IQCM: variants seen among roughly 807,000 people sequenced by gnomAD.
IQCM encodes IQ domain-containing protein M.
Under a neutral mutation model 57.6 loss-of-function variants are expected in IQCM, and 45 were observed. The ratio of observed to expected loss-of-function variants is 0.78; its 90% CI spans 0.62 to 1.00. The LOEUF is 1.00. Among genes scored for constraint, IQCM ranks in the 50% least tolerant of loss-of-function variants. IQCM has a pLI of 0.00. For synonymous variants in IQCM, 148 were observed against 158.9 expected (o/e 0.93, Z 0.51); for missense variants, 468 against 511.6 (o/e 0.91, Z 0.82).
intron 7 of IQCM, among the ~76,000 whole-genome samples, chr4:149,636,465 G>C (rs1757723670): frequency 6.6e-6 from 1 of 152,120 alleles, no homozygotes; most frequent in Non-Finnish European, 1.5e-5. Flanking sequence ...CTCCATGATA[G>C]ACGTGTGTGG....
At chr4:149,502,621 C>A (rs1002145003) in intron 12 of IQCM, among the ~76,000 whole-genome samples, 4 of 152,112 alleles carry the variant, frequency 2.6e-5, no homozygotes, top group African/African-American at 9.7e-5. Context: ...CTGCAGTGAG[C>A]CATGCTCACG....
At chr4:149,602,337 C>T (rs1305948196) in intron 8 of IQCM, among the ~76,000 whole-genome samples, 3 of 152,140 alleles carry the variant, frequency 2.0e-5, no homozygotes, top group Non-Finnish European at 4.4e-5. Context: ...GGAACCAATC[C>T]CCTATGCATA....
At chr4:149,664,398 G>A (rs1430317830) in intron 7 of IQCM, among the ~76,000 whole-genome samples, 9 of 152,026 alleles carry the variant, frequency 5.9e-5, no homozygotes, top group Non-Finnish European at 7.4e-5. Context: ...ATTGATATCT[G>A]TGCATCCAAT....
chr4:149,549,648 T>G (rs993905857), intron 11 of IQCM, among the ~76,000 whole-genome samples: 1 of 152,356 alleles, frequency 6.6e-6, no homozygotes, highest in South Asian at 2.1e-4. Context: ...CCATGAATTG[T>G]ATAATTGTAT....
intron 10 of IQCM, among the ~76,000 whole-genome samples, chr4:149,553,517 G>T (rs1158984109): frequency 6.6e-6 from 1 of 152,124 alleles, no homozygotes; most frequent in Non-Finnish European, 1.5e-5. Context: ...CCATAGAATA[G>T]AGCTTCCAAT....
chr4:149,779,865 T>A (rs1771442321), intron 2 of IQCM, among the ~76,000 whole-genome samples: 1 of 152,172 alleles, frequency 6.6e-6, no homozygotes. Context: ...GTCACTATCC[T>A]TATACTACGC....
chr4:149,408,111 T>C (rs1733112157), intron 13 of IQCM, among the ~76,000 whole-genome samples: 1 of 152,176 alleles, frequency 6.6e-6, no homozygotes, highest in Non-Finnish European at 1.5e-5. Flanking sequence ...TATATGTTTC[T>C]TGGTCATTTG....
At chr4:149,511,051 C>T (rs1744356421) in intron 12 of IQCM, among the ~76,000 whole-genome samples, 1 of 152,102 alleles carries the variant, frequency 6.6e-6, no homozygotes, top group Non-Finnish European at 1.5e-5. Flanking sequence ...GAATAAAGGC[C>T]AGCCTCCTTA....
chr4:149,553,191 G>T lies in IQCM; in HGVS notation c.1045C>A (p.Gln349Lys), dbSNP rs1297890762. 7 of 1,231,802 alleles carry T rather than the reference G, an allele frequency of 5.7e-6. No homozygotes were observed. Among genetic ancestry groups the T allele is most frequent in the Non-Finnish European group, 6.1e-6 (6 of 987,856 alleles). The allele number at this position is 1,231,802 out of a possible 1,614,324, so 76.3% of individuals were successfully genotyped here. A position where few individuals can be genotyped will look rare whatever the true frequency, so the allele number is the denominator to read the frequency against. The change falls in exon 11 of 14, where the codon CAA becomes AAA. Residue 349 changes from glutamine (Q) to lysine (K), a missense_variant. Transcript: ENST00000636793. ...TCTAGCTCTGCTAAGTTGAGAATTT[G>T]TCTTGTCCTCCAAAGACCACGTCGA... ...RYRRGLWRTR[Q>K]ILNLAELEEW...
intron 13 of IQCM, among the ~76,000 whole-genome samples, chr4:149,358,722 A>T (rs1729193334): frequency 6.6e-6 from 1 of 152,086 alleles, no homozygotes; most frequent in Non-Finnish European, 1.5e-5. Flanking sequence ...AAAACAAGTG[A>T]AATCAGTAAG....
chr4:149,622,365 C>T (rs1367827871), intron 7 of IQCM, among the ~76,000 whole-genome samples: 3 of 136,688 alleles, frequency 2.2e-5, no homozygotes, highest in Admixed American at 7.9e-5. Flanking sequence ...TTTTTGGAGA[C>T]GTAGTCTCAC....
chr4:149,757,123 T>C (rs1297697508), intron 2 of IQCM, among the ~76,000 whole-genome samples: 1 of 151,986 alleles, frequency 6.6e-6, no homozygotes, highest in African/African-American at 2.4e-5. Flanking sequence ...CCGGGCATGG[T>C]GGCAGGCGCC....
At chr4:149,411,096 T>A (rs1733353892) in intron 13 of IQCM, among the ~76,000 whole-genome samples, 1 of 152,072 alleles carries the variant, frequency 6.6e-6, no homozygotes, top group South Asian at 2.1e-4. Context: ...AAACTGAAGT[T>A]CATCAAAATC....
intron 7 of IQCM, among the ~76,000 whole-genome samples, chr4:149,645,821 C>G (rs7655958): frequency 0.21 from 32,258 of 151,942 alleles, 4,261 homozygotes; most frequent in Non-Finnish European, 0.28. Flanking sequence ...AACTCCCTCT[C>G]CTCACCTATC....
At chr4:149,405,776 T>G (rs1732928395) in intron 13 of IQCM, among the ~76,000 whole-genome samples, 1 of 149,316 alleles carries the variant, frequency 6.7e-6, no homozygotes, top group African/African-American at 2.5e-5. Context: ...TATTTATTGA[T>G]CATCCATGTC....
intron 7 of IQCM, among the ~76,000 whole-genome samples, chr4:149,642,686 G>A (rs910708924): frequency 1.3e-5 from 2 of 152,112 alleles, no homozygotes; most frequent in Non-Finnish European, 2.9e-5. Flanking sequence ...CTAGAATACT[G>A]TTCCAGTACA....
chr4:149,496,174 T>A (rs542819341), intron 12 of IQCM, among the ~76,000 whole-genome samples: 90 of 152,002 alleles, frequency 5.9e-4, no homozygotes, highest in Non-Finnish European at 1.1e-3. Flanking sequence ...AATGGGAATA[T>A]TTGCAAATTC....
intron 12 of IQCM, among the ~76,000 whole-genome samples, chr4:149,495,893 T>C (rs949143983): frequency 6.6e-6 from 1 of 152,180 alleles, no homozygotes; most frequent in African/African-American, 2.4e-5. Context: ...TAGAGTGTTT[T>C]GCCTAATTTA....
At chr4:149,358,844 C>CCGTATATCATGATATACTCTCATG in intron 13 of IQCM, among the ~76,000 whole-genome samples, 1 of 108,116 alleles carries the variant, frequency 9.2e-6, no homozygotes, top group African/African-American at 3.9e-5. Flanking sequence ...GCACAGTGGA[C>CCGTATATCATGATATACTCTCATG]AGTATATCAT....
Sources: gnomAD v4.1 joint callset for allele counts (sites outside exome capture counted in the v4.1 genomes callset) on GRCh38, gnomAD v4.1.1 for gene constraint, MANE v1.5 for transcripts, NCBI Gene and HGNC (gene_info 2026-07-23, HGNC 2026-07-21) for gene names.